INVS: variants seen among roughly 807,000 people sequenced by gnomAD.
The protein encoded by INVS is inversin, also known as inversion of embryo turning homolog.
Under a neutral mutation model 108.8 loss-of-function variants are expected in INVS, and 86 were observed. The observed-to-expected ratio is 0.79, with a 90% CI of 0.66 to 0.95. The LOEUF is 0.95. Among genes scored for constraint, INVS ranks in the 40% least tolerant of loss-of-function variants. INVS has a pLI of 0.00. For missense variants in INVS, 1,169 were observed against 1,297.4 expected (o/e 0.90, Z 1.52); for synonymous variants, 455 against 473.5 (o/e 0.96, Z 0.51).
At chr9:100,239,483 CAA>C (rs1162562311) in intron 5 of INVS, among the ~76,000 whole-genome samples, 5 of 151,968 alleles carry the variant, frequency 3.3e-5, no homozygotes, top group Non-Finnish European at 5.9e-5. Flanking sequence ...ATAACAGAAA[CAA>C]AAGCATATCA....
chr9:100,100,787 T>A (rs187081453), intron 1 of INVS, among the ~76,000 whole-genome samples: 36 of 2,568 alleles, frequency 0.014, 2 homozygotes, highest in Admixed American at 0.019. Flanking sequence ...TAATATATAT[T>A]ATATATATAA....
chr9:100,290,571 C>T (rs973366323), intron 13 of INVS, among the ~76,000 whole-genome samples: 21 of 152,052 alleles, frequency 1.4e-4, no homozygotes, highest in African/African-American at 4.6e-4. Context: ...AGGCTGGTCT[C>T]GAACTCCCGA....
chr9:100,139,761 G>A (rs1828361176), intron 3 of INVS, among the ~76,000 whole-genome samples: 1 of 152,084 alleles, frequency 6.6e-6, no homozygotes, highest in African/African-American at 2.4e-5. Flanking sequence ...TCCTGCCTCA[G>A]CCCCCAAGTA....
intron 12 of INVS, among the ~76,000 whole-genome samples, chr9:100,276,666 G>A (rs1312956284): frequency 1.3e-5 from 2 of 151,998 alleles, no homozygotes; most frequent in Non-Finnish European, 2.9e-5. Context: ...GTGCCACCAC[G>A]ACCAGCTAAT....
intron 10 of INVS, among the ~76,000 whole-genome samples, chr9:100,259,574 T>TC (rs397941984): frequency 2.0e-5 from 3 of 150,070 alleles, no homozygotes; most frequent in Non-Finnish European, 4.5e-5. Context: ...TTTTTTTTTT[T>TC]CCTCCCAGGC....
intron 12 of INVS, among the ~76,000 whole-genome samples, chr9:100,273,699 G>C (rs551414172): frequency 6.6e-6 from 1 of 151,050 alleles, no homozygotes; most frequent in Non-Finnish European, 1.5e-5. Flanking sequence ...CACCACACCC[G>C]GGTAATTTTT....
intron 3 of INVS, among the ~76,000 whole-genome samples, chr9:100,223,062 A>T (rs1426927960): frequency 6.6e-6 from 1 of 151,870 alleles, no homozygotes; most frequent in African/African-American, 2.4e-5. Flanking sequence ...TAGCAACTGT[A>T]AATAAGAATT....
chr9:100,157,565 A>G (rs1343348560), intron 3 of INVS, among the ~76,000 whole-genome samples: 1 of 152,132 alleles, frequency 6.6e-6, no homozygotes, highest in Non-Finnish European at 1.5e-5. Context: ...GTGCCCGGCC[A>G]AGAAATAGCA....
intron 14 of INVS, among the ~76,000 whole-genome samples, chr9:100,294,259 A>C (rs1158157048): frequency 1.3e-5 from 2 of 152,182 alleles, no homozygotes; most frequent in Non-Finnish European, 2.9e-5. Flanking sequence ...ATAATGCGGC[A>C]CAGGTGTATG....
At chr9:100,196,813 C>T (rs1830389188) in intron 3 of INVS, among the ~76,000 whole-genome samples, 1 of 151,928 alleles carries the variant, frequency 6.6e-6, no homozygotes, top group Admixed American at 6.6e-5. Context: ...TTAGCTGCAA[C>T]TCACAAGTTT....
At chr9:100,226,004 A>G in intron 3 of INVS, 58 bp from the exon 4 acceptor site, 2 of 1,278,792 alleles carry the variant, frequency 1.6e-6, no homozygotes, top group Non-Finnish European at 2.2e-6. Flanking sequence ...TTTAAAATTA[A>G]AAAAAATTTT....
In INVS at chr9:100,246,798, G is replaced by A. The variant is rs1406167581; in HGVS notation, c.1078+11G>A. The A allele has an allele frequency of 1.9e-6, 3 of 1,612,120 alleles. No individual in the cohort carries two copies. The African/African-American group carries it at 4.0e-5, about 22-fold the overall frequency. ...AATATGGAGGTACAGGTGAGAACTGGTGGACACATTCAATTTGCTTTCATT... is the reference window on the plus strand; with the variant it reads ...AATATGGAGGTACAGGTGAGAACTGATGGACACATTCAATTTGCTTTCATT... On this transcript the variant is annotated intron_variant, in intron 8 of 16. Coordinates refer to ENST00000262457, the MANE Select transcript of INVS (RefSeq NM_014425.5).
chr9:100,138,183 A>G (rs1828293619), intron 3 of INVS, among the ~76,000 whole-genome samples: 1 of 152,196 alleles, frequency 6.6e-6, no homozygotes, highest in Non-Finnish European at 1.5e-5. Context: ...AGGCAGGTGG[A>G]TCACCTGAGG....
At chr9:100,195,424 C>G (rs1013441067) in intron 3 of INVS, among the ~76,000 whole-genome samples, 1 of 152,156 alleles carries the variant, frequency 6.6e-6, no homozygotes, top group African/African-American at 2.4e-5. Flanking sequence ...TCAAGCAATA[C>G]TCCCACCTCA....
At chr9:100,166,405 C>T (rs948158303) in intron 3 of INVS, among the ~76,000 whole-genome samples, 1 of 152,140 alleles carries the variant, frequency 6.6e-6, no homozygotes, top group African/African-American at 2.4e-5. Context: ...TGCCTGTTGT[C>T]CCAGCTACTC....
rs781262314 is a variant in INVS, at chr9:100,126,433, A to T, written c.157A>T (p.Met53Leu). The T allele has an allele frequency of 1.2e-6, 2 of 1,614,122 alleles. No homozygotes were observed. Among genetic ancestry groups the T allele is most frequent in the Non-Finnish European group, 1.7e-6 (2 of 1,179,948 alleles). Residue 53 changes from methionine (M) to leucine (L), a missense_variant, in exon 3 of 17, where the codon ATG becomes TTG. Physicochemically the swap from Met to Leu is conservative, Grantham distance 15. This residue lies in a region of INVS where 365 missense variants were observed against 397.5 expected (regional missense o/e 0.92). Coordinates refer to ENST00000262457, the MANE Select transcript of INVS (RefSeq NM_014425.5). ...AGATCAGTTTGGGAGAACACCACTT[A>T]TGTATTGCGTGTTGGCTGACAGATT... is the stretch of plus-strand genomic sequence containing the variant. ...KEDQFGRTPLMYCVLADRLDC... is the reference protein window; with the variant it reads ...KEDQFGRTPLLYCVLADRLDC...
Position 100,277,500 on chromosome 9 carries a change from G to T in INVS, c.1784+4424G>T, listed in dbSNP as rs1202046293. On this transcript the variant is annotated intron_variant, in intron 12 of 16. Transcript: ENST00000262457. ...AAAGAGGTTTTCTTAATTCAAGATG[G>T]GCTTCAGGGATCCATGGGTACCTGA... 5.3e-5 allele frequency among the ~76,000 whole-genome samples: 8 copies of T among 152,248 alleles called. No homozygotes were observed. The East Asian group carries it at 1.2e-3, about 22-fold the overall frequency.
At chr9:100,203,114 A>G (rs1830579341) in intron 3 of INVS, among the ~76,000 whole-genome samples, 1 of 152,260 alleles carries the variant, frequency 6.6e-6, no homozygotes, top group African/African-American at 2.4e-5. Flanking sequence ...AAAGTCCAAC[A>G]TACATTTGAT....
At chr9:100,256,980 T>C (rs1450707943) in intron 10 of INVS, among the ~76,000 whole-genome samples, 2 of 152,126 alleles carry the variant, frequency 1.3e-5, no homozygotes, top group African/African-American at 2.4e-5. Flanking sequence ...CTTTCAGTCT[T>C]GTTGATCTGT....
Sources: gnomAD v4.1 joint callset for allele counts (sites outside exome capture counted in the v4.1 genomes callset) on GRCh38, gnomAD v4.1.1 for gene constraint, gnomAD v4.1.1 regional missense constraint, MANE v1.5 for transcripts, NCBI Gene and HGNC (gene_info 2026-07-23, HGNC 2026-07-21) for gene names.